The following BAIAP2L1 variants were observed in gnomAD, a reference collection of about 807,000 sequenced individuals.
BAIAP2L1 encodes BAR/IMD domain containing adaptor protein 2 like 1.
In BAIAP2L1, 35 loss-of-function variants were observed where a neutral mutation model predicts 66.3. That is an observed-to-expected ratio of 0.53 (90% CI 0.40 to 0.70). The LOEUF (loss-of-function observed/expected upper bound fraction) is 0.70, where lower values mean the gene tolerates loss of function less well. Ranked by LOEUF, BAIAP2L1 falls within the 30% of genes least tolerant of loss-of-function variation. The pLI, the probability that BAIAP2L1 is intolerant of heterozygous loss-of-function variation, is 0.00. For synonymous variants in BAIAP2L1, 269 were observed against 248.7 expected, an observed-to-expected ratio of 1.08 and a Z score of -0.77; for missense variants, 622 against 656.9, an observed-to-expected ratio of 0.95 and a Z score of 0.58.
chr7:98,326,640 G>A (rs557624207), intron 3 of BAIAP2L1, among the ~76,000 whole-genome samples: 2 of 152,204 alleles, frequency 1.3e-5, no homozygotes, highest in African/African-American at 4.8e-5. Context: ...AAACAGATTA[G>A]AAAAAAGAAA....
intron 1 of BAIAP2L1, among the ~76,000 whole-genome samples, chr7:98,392,400 C>T (rs1167432429): frequency 6.6e-6 from 1 of 152,078 alleles, no homozygotes; most frequent in African/African-American, 2.4e-5. Context: ...CACTCTCACA[C>T]CATGCAGACA....
chr7:98,312,101 T>C lies in BAIAP2L1; in HGVS notation c.803A>G (p.Asn268Ser), dbSNP rs200743492. 34 of 1,595,714 alleles carry C rather than the reference T, an allele frequency of 2.1e-5. No homozygotes were observed. The highest frequency in any genetic ancestry group is 2.2e-5 in the East Asian group (1 of 44,526). Residue 268 changes from asparagine to serine, a missense_variant, in exon 8 of 14, where the codon AAT becomes AGT. By Grantham distance (46) the Asn-to-Ser change is conservative. Transcript: ENST00000005260. ...PQASPMIERS[N>S]VVRKDYDTLS... The stretch of plus-strand genomic sequence containing the variant: ...GAAGAGAAAACTGGCTCCTACCACA[T>C]TGCTTCTCTCGATCATGGGTGAAGC...
At chr7:98,293,625 ACTT>A in intron 13 of BAIAP2L1, 29 bp from the exon 14 acceptor site, 1 of 1,597,010 alleles carries the variant, frequency 6.3e-7, no homozygotes, top group East Asian at 2.2e-5. Flanking sequence ...ATCTTTCAGA[ACTT>A]CTGCTCTACG....
At chr7:98,339,939 C>A (rs1014765955) in intron 3 of BAIAP2L1, among the ~76,000 whole-genome samples, 1 of 152,202 alleles carries the variant, frequency 6.6e-6, no homozygotes, top group Non-Finnish European at 1.5e-5. Flanking sequence ...GCCAATTATC[C>A]GGCCCAGTTG....
chr7:98,329,829 C>T (rs1215483588), intron 3 of BAIAP2L1, among the ~76,000 whole-genome samples: 1 of 152,120 alleles, frequency 6.6e-6, no homozygotes, highest in African/African-American at 2.4e-5. Flanking sequence ...TTCCCCTCCC[C>T]AGTACTTGGC....
At position 98,362,405 on chromosome 7, in the gene BAIAP2L1, G is replaced by C; in HGVS notation, c.79C>G (p.Leu27Val). ...RNVMEQFNPG[L>V]RNLINLGKNY... Reference sequence around the variant, plus strand: ...TTCCCCAGGTTTATTAAATTTCGCAGCCCAGGATTGAACTGTTCCATAACA... The same window carrying C: ...TTCCCCAGGTTTATTAAATTTCGCACCCCAGGATTGAACTGTTCCATAACA... Residue 27 changes from leucine to valine, a missense_variant, in exon 2 of 14, where the codon CTG (leucine) becomes GTG (valine). Leu to Val is a conservative substitution (Grantham distance 32). Transcript: ENST00000005260. The C allele has an allele frequency of 6.2e-7, 1 of 1,612,660 alleles. No homozygotes were observed. Among genetic ancestry groups the C allele is most frequent in the Non-Finnish European group, 8.5e-7 (1 of 1,179,454 alleles).
intron 3 of BAIAP2L1, among the ~76,000 whole-genome samples, chr7:98,336,285 C>T (rs144609954): frequency 0.013 from 1,961 of 152,192 alleles, 23 homozygotes; most frequent in Non-Finnish European, 0.018. Flanking sequence ...CATGCACCCC[C>T]CGAGTCAAAA....
At chr7:98,332,226 T>C (rs1801511485) in intron 3 of BAIAP2L1, among the ~76,000 whole-genome samples, 1 of 149,954 alleles carries the variant, frequency 6.7e-6, no homozygotes, top group Non-Finnish European at 1.5e-5. Flanking sequence ...CTACCAAAAA[T>C]ATAAAAATTA....
At chr7:98,381,824 G>C (rs1247453843) in intron 1 of BAIAP2L1, among the ~76,000 whole-genome samples, 1 of 152,024 alleles carries the variant, frequency 6.6e-6, no homozygotes, top group Non-Finnish European at 1.5e-5. Context: ...TAAGAAAGAA[G>C]GATGTCCTAC....
rs1201056384 is a variant in BAIAP2L1 at position 98,291,895 on chromosome 7, T to TC, written c.*1625dup. On this transcript the variant is annotated 3_prime_UTR_variant, in exon 14 of 14. Coordinates refer to ENST00000005260, the MANE Select transcript of BAIAP2L1 (RefSeq NM_018842.5). The stretch of plus-strand genomic sequence containing the variant: ...CAGGTGTCACCCACACCCCAGCAGT[T>TC]CCCCTTAGCGCCAGATGGGGCTCCC... The TC allele has an allele frequency of 2.0e-5, 3 of 152,904 alleles. No homozygotes were observed. The highest frequency in any genetic ancestry group is 7.2e-5 in the African/African-American group (3 of 41,452). 9.5% of individuals were successfully genotyped at this position (152,904 alleles called of 1,614,324 possible). A position where few individuals can be genotyped will look rare whatever the true frequency, so the allele number is the denominator to read the frequency against.
intron 1 of BAIAP2L1, among the ~76,000 whole-genome samples, chr7:98,371,269 G>C (rs113172856): frequency 1.8e-3 from 273 of 152,296 alleles, no homozygotes; most frequent in Non-Finnish European, 3.5e-3. Flanking sequence ...AGGATACTCT[G>C]CCAAACTGGT....
chr7:98,297,019 A>AG (rs1200990649), intron 12 of BAIAP2L1, among the ~76,000 whole-genome samples: 1 of 152,222 alleles, frequency 6.6e-6, no homozygotes, highest in African/African-American at 2.4e-5. Context: ...ACCGGCACCC[A>AG]GGGCCCCGCG....
At chr7:98,298,678 G>T (rs781168215) in intron 12 of BAIAP2L1, among the ~76,000 whole-genome samples, 1 of 152,142 alleles carries the variant, frequency 6.6e-6, no homozygotes, top group South Asian at 2.1e-4. Context: ...TTTGGCCTGG[G>T]ATATAACACA....
intron 12 of BAIAP2L1, 102 bp from the exon 13 acceptor site, chr7:98,294,213 G>A (rs1190009981): frequency 1.4e-5 from 17 of 1,234,946 alleles, no homozygotes; most frequent in Middle Eastern, 2.1e-4. Context: ...GGCTGGTTTC[G>A]AACTCCTGAG....
chr7:98,303,834 C>A (rs1449912517), intron 12 of BAIAP2L1, among the ~76,000 whole-genome samples: 1 of 152,208 alleles, frequency 6.6e-6, no homozygotes, highest in Non-Finnish European at 1.5e-5. Context: ...TAATGTAAGC[C>A]TCTCTTCAGA....
At chr7:98,339,746 G>C (rs1286936614) in intron 3 of BAIAP2L1, among the ~76,000 whole-genome samples, 1 of 152,210 alleles carries the variant, frequency 6.6e-6, no homozygotes, top group Non-Finnish European at 1.5e-5. Flanking sequence ...TCCCCAATTT[G>C]GGTGTCATAA....
chr7:98,380,372 C>T (rs1802725997), intron 1 of BAIAP2L1, among the ~76,000 whole-genome samples: 1 of 152,088 alleles, frequency 6.6e-6, no homozygotes, highest in Non-Finnish European at 1.5e-5. Flanking sequence ...TACGGTTCCA[C>T]ATGGCTGGTC....
intron 3 of BAIAP2L1, among the ~76,000 whole-genome samples, chr7:98,351,537 G>A (rs956399689): frequency 1.3e-5 from 2 of 152,144 alleles, no homozygotes; most frequent in Admixed American, 6.6e-5. Flanking sequence ...GCACACCTGA[G>A]AAGAAATTCC....
rs2116822388 is a variant in BAIAP2L1 at position 98,301,122 on chromosome 7, C to T, written c.1422+3074G>A. Among the ~76,000 whole-genome samples, 3 of 152,314 alleles carry T rather than the reference C, an allele frequency of 2.0e-5. 1 individual carries two copies. The Middle Eastern group carries it at 0.01, about 518-fold the overall frequency. ...TCTCATCTCTGTCCACAAAACCCCT[C>T]CCCCACAGCCATACCCTCACTGCCA... is the stretch of plus-strand genomic sequence containing the variant. On this transcript the variant is annotated intron_variant, in intron 12 of 13. Coordinates refer to ENST00000005260, the MANE Select transcript of BAIAP2L1 (RefSeq NM_018842.5).
Sources: allele counts gnomAD v4.1 joint callset (sites outside exome capture counted in the v4.1 genomes callset), GRCh38; gene constraint gnomAD v4.1.1; transcripts MANE v1.5; gene names NCBI Gene and HGNC (gene_info 2026-07-23, HGNC 2026-07-21).